The following TRPM6 variants were observed in gnomAD, a reference collection of about 807,000 sequenced individuals.
TRPM6 encodes the protein transient receptor potential cation channel subfamily M member 6.
Under a neutral mutation model 247.6 loss-of-function variants are expected in TRPM6, and 111 were observed. The ratio of observed to expected loss-of-function variants is 0.45; its 90% CI spans 0.38 to 0.52. The LOEUF (loss-of-function observed/expected upper bound fraction) is 0.52. Ranked by LOEUF, TRPM6 falls within the 20% of genes least tolerant of loss-of-function variation. The probability of loss-of-function intolerance (pLI) is 0.00; values close to 1 mark genes in which losing one functional copy is unlikely to be tolerated. For synonymous variants in TRPM6, 892 were observed against 853.8 expected, an observed-to-expected ratio of 1.04 and a Z score of -0.78; for missense variants, 2,126 against 2,421.5, an observed-to-expected ratio of 0.88 and a Z score of 2.56.
intron 29 of TRPM6, among the ~76,000 whole-genome samples, chr9:74,751,306 A>G (rs1587468120): frequency 6.6e-6 from 1 of 152,192 alleles, no homozygotes; most frequent in East Asian, 1.9e-4. Context: ...ATTAGCAATA[A>G]TCTTATAAGG....
intron 1 of TRPM6, among the ~76,000 whole-genome samples, chr9:74,866,471 GTTTTTTGTTTTTTGT>G (rs1018951559): frequency 6.7e-6 from 1 of 149,534 alleles, no homozygotes; most frequent in African/African-American, 2.4e-5. Context: ...TTTTGGGGGG[GTTTTTTGTTTTTTGT>G]TTTTTTGTTT....
In TRPM6 at chr9:74,752,264, A is replaced by G. The variant is rs760419895; in HGVS notation, c.4998+13T>C. On this transcript the variant is annotated intron_variant, in intron 29 of 38. Coordinates refer to ENST00000360774, the MANE Select transcript of TRPM6 (RefSeq NM_017662.5). ...TCGAATGCTTTTTTTTTTAACTCCT[A>G]AAATATTTTTACCTCTTGAGACTGC... 4.6e-6 allele frequency: 7 copies of G among 1,511,170 alleles called. No individual in the cohort carries two copies. The East Asian group carries it at 1.4e-4, about 29-fold the overall frequency. 93.6% of individuals were successfully genotyped at this position (1,511,170 alleles called of 1,614,324 possible). A position where few individuals can be genotyped will look rare whatever the true frequency, so the allele number is the denominator to read the frequency against.
At chr9:74,803,655 T>C (rs1828423644) in intron 15 of TRPM6, 139 bp downstream of exon 15, 1 of 753,940 alleles carries the variant, frequency 1.3e-6, no homozygotes, top group Non-Finnish European at 2.4e-6. Flanking sequence ...TGTGTTATGC[T>C]TTTGACTTGC....
chr9:74,887,523 A>T, intron 1 of TRPM6: 1 of 1,199,686 alleles, frequency 8.3e-7, no homozygotes, highest in Non-Finnish European at 1.2e-6. Flanking sequence ...CCCCGAGCTG[A>T]ACCCCCGACC....
At chr9:74,760,438 G>A (rs995402896) in intron 27 of TRPM6, among the ~76,000 whole-genome samples, 5 of 152,188 alleles carry the variant, frequency 3.3e-5, no homozygotes, top group African/African-American at 4.8e-5. Flanking sequence ...GACTAGGCAT[G>A]TGGTAGGTTA....
At chr9:74,799,990 C>G (rs1828254994) in intron 17 of TRPM6, 1 of 491,254 alleles carries the variant, frequency 2.0e-6, no homozygotes, top group East Asian at 3.9e-5. Flanking sequence ...TCCCCTTCCT[C>G]CCTCACCACT....
chr9:74,752,974 G>A (rs1051863298), intron 28 of TRPM6, among the ~76,000 whole-genome samples: 9 of 152,006 alleles, frequency 5.9e-5, no homozygotes, highest in African/African-American at 2.2e-4. Context: ...TGAACCAGGT[G>A]TGGTGGTGCA....
At chr9:74,813,726 A>T (rs1447539181) in intron 11 of TRPM6, among the ~76,000 whole-genome samples, 1 of 152,248 alleles carries the variant, frequency 6.6e-6, no homozygotes, top group Non-Finnish European at 1.5e-5. Context: ...AACATCAACT[A>T]GCAGGAAGCA....
intron 23 of TRPM6, among the ~76,000 whole-genome samples, chr9:74,779,217 C>T (rs1474800146): frequency 6.6e-6 from 1 of 152,078 alleles, no homozygotes; most frequent in Non-Finnish European, 1.5e-5. Context: ...GCGGAGGTTG[C>T]AGTGAACTGA....
At chr9:74,887,357 C>T (rs1272976113) in intron 1 of TRPM6, 1 of 1,394,758 alleles carries the variant, frequency 7.2e-7, no homozygotes, top group East Asian at 2.6e-5. Context: ...CCGCGACCCC[C>T]GGCTAGTCAG....
At chr9:74,884,331 T>TA (rs1252665178) in intron 1 of TRPM6, among the ~76,000 whole-genome samples, 2 of 149,254 alleles carry the variant, frequency 1.3e-5, no homozygotes, top group African/African-American at 5.0e-5. Context: ...CGACTAAAAA[T>TA]ACAAAAAATG....
intron 36 of TRPM6, 79 bp from the exon 37 acceptor site, chr9:74,732,815 C>T: frequency 1.8e-6 from 2 of 1,107,108 alleles, no homozygotes; most frequent in Admixed American, 1.9e-5. Flanking sequence ...TAATTAAATT[C>T]TAATTTCTTA....
chr9:74,875,917 A>T (rs962192173), intron 1 of TRPM6, among the ~76,000 whole-genome samples: 6 of 152,374 alleles, frequency 3.9e-5, no homozygotes, highest in African/African-American at 1.4e-4. Context: ...ATCTAAGAAG[A>T]TAATTCTCTT....
intron 7 of TRPM6, among the ~76,000 whole-genome samples, chr9:74,822,679 T>G (rs1268744751): frequency 6.6e-6 from 1 of 152,092 alleles, no homozygotes; most frequent in Non-Finnish European, 1.5e-5. Flanking sequence ...ATATATTACC[T>G]TTTTTTCTTG....
chr9:74,732,612 G>T, intron 37 of TRPM6, 73 bp downstream of exon 37: 1 of 1,193,998 alleles, frequency 8.4e-7, no homozygotes, highest in Non-Finnish European at 1.2e-6. Flanking sequence ...ATATATGTTT[G>T]TAAATTATTT....
chr9:74,809,761 C>T (rs1828658998), intron 13 of TRPM6, among the ~76,000 whole-genome samples: 1 of 151,968 alleles, frequency 6.6e-6, no homozygotes, highest in Admixed American at 6.6e-5. Context: ...GGTGGATCAC[C>T]TGCGGTCAGG....
intron 17 of TRPM6, among the ~76,000 whole-genome samples, chr9:74,798,462 T>C (rs773223522): frequency 1.4e-4 from 21 of 152,186 alleles, no homozygotes; most frequent in Non-Finnish European, 2.2e-4. Context: ...AGTGGTAATA[T>C]TGTACTAATT....
At chr9:74,759,566 CAAGA>C (rs1826552706) in intron 27 of TRPM6, among the ~76,000 whole-genome samples, 1 of 151,760 alleles carries the variant, frequency 6.6e-6, no homozygotes, top group Non-Finnish European at 1.5e-5. Flanking sequence ...TATTCATATT[CAAGA>C]AAGAAAGAGA....
At chr9:74,884,756 A>G (rs971508113) in intron 1 of TRPM6, among the ~76,000 whole-genome samples, 5 of 152,230 alleles carry the variant, frequency 3.3e-5, no homozygotes, top group African/African-American at 1.2e-4. Flanking sequence ...TCTGTGATAC[A>G]CAATCAAGGA....
Sources: gnomAD v4.1 joint callset for allele counts (sites outside exome capture counted in the v4.1 genomes callset) on GRCh38, gnomAD v4.1.1 for gene constraint, MANE v1.5 for transcripts, NCBI Gene and HGNC (gene_info 2026-07-23, HGNC 2026-07-21) for gene names.